The following PARP12 variants were observed in gnomAD, a reference collection of about 807,000 sequenced individuals.
The protein encoded by PARP12 is poly(ADP-ribose) polymerase family member 12.
PARP12 carries 59 observed loss-of-function variants against 72.4 expected under a neutral mutation model. The observed-to-expected ratio is 0.81, with a 90% CI of 0.66 to 1.01. The LOEUF (loss-of-function observed/expected upper bound fraction) is 1.01. PARP12 is among the 50% of genes least tolerant of loss of function. The probability of loss-of-function intolerance (pLI) is 0.00; values close to 1 mark genes in which losing one functional copy is unlikely to be tolerated. For synonymous variants in PARP12, 403 were observed against 371.4 expected, an observed-to-expected ratio of 1.09 and a Z score of -0.98; for missense variants, 851 against 914.0, an observed-to-expected ratio of 0.93 and a Z score of 0.89.
chr7:140,034,330 G>T lies in PARP12; in HGVS notation c.1326C>A (p.Ala442=). Residue 442 remains alanine, a splice_region_variant and synonymous_variant, in exon 8 of 12, where the codon GCC becomes GCA. Transcript: ENST00000263549. ...CATAGACCAGGTTTTTCTGAACGAA[G>T]GCTGAAAAAAAACATAACCAGTGAA... ...GKHNYELDFK[A]FVQKNLVYGT... is the part of the protein sequence containing the mutation. The T allele has an allele frequency of 6.2e-7, 1 of 1,608,080 alleles. No individual in the cohort carries two copies. Among genetic ancestry groups the T allele is most frequent in the Non-Finnish European group, 8.5e-7 (1 of 1,176,812 alleles).
rs749786679 is a variant in PARP12, at chr7:140,027,383, C to T, written c.1521G>A (p.Ser507=). The T allele has an allele frequency of 7.4e-6, 12 of 1,613,868 alleles. No homozygotes were observed. The highest frequency in any genetic ancestry group is 4.0e-5 in the African/African-American group (3 of 74,902). ...GFQKITLSSS[S]EEYQKVWNLF... ...GGTTCCAGACCTTCTGATACTCTTC[C>T]GAGGAAGAACTAAGGGTGATCTTCT... is the stretch of plus-strand genomic sequence containing the variant. The change falls in exon 10 of 12, where the codon TCG becomes TCA. Residue 507 remains serine (S), a synonymous_variant. Transcript: ENST00000263549.
At chr7:140,049,631 C>T (rs1049629916) in intron 4 of PARP12, among the ~76,000 whole-genome samples, 1 of 152,198 alleles carries the variant, frequency 6.6e-6, no homozygotes, top group Non-Finnish European at 1.5e-5. Context: ...TAGGGCCCTC[C>T]AGGCTGATGC....
intron 2 of PARP12, 117 bp downstream of exon 2, chr7:140,057,782 G>A (rs942797598): frequency 7.1e-7 from 1 of 1,410,926 alleles, no homozygotes; most frequent in African/African-American, 1.4e-5. Context: ...TTCTGCAGGT[G>A]GAAACCAGAC....
At chr7:140,029,344 G>T (rs990848448) in intron 8 of PARP12, among the ~76,000 whole-genome samples, 2 of 152,188 alleles carry the variant, frequency 1.3e-5, no homozygotes, top group Non-Finnish European at 2.9e-5. Flanking sequence ...AAGACATATG[G>T]ATCAAGGGTT....
At chr7:140,042,881 T>C (rs1255036964) in intron 5 of PARP12, among the ~76,000 whole-genome samples, 1 of 152,142 alleles carries the variant, frequency 6.6e-6, no homozygotes, top group Non-Finnish European at 1.5e-5. Flanking sequence ...CTGGAGAAAT[T>C]CACCTTCAAC....
intron 8 of PARP12, among the ~76,000 whole-genome samples, chr7:140,030,893 T>C (rs1585083515): frequency 1.3e-5 from 2 of 152,180 alleles, no homozygotes; most frequent in East Asian, 1.9e-4. Context: ...AGCCAAAAGA[T>C]TGGACACCCC....
At chr7:140,056,311 C>T (rs866499619) in intron 3 of PARP12, among the ~76,000 whole-genome samples, 4 of 152,370 alleles carry the variant, frequency 2.6e-5, no homozygotes, top group South Asian at 2.1e-4. Context: ...GTGGGCCAGG[C>T]ACTGTCTAGG....
At chr7:140,056,202 C>T (rs191860644) in intron 3 of PARP12, among the ~76,000 whole-genome samples, 1 of 152,342 alleles carries the variant, frequency 6.6e-6, no homozygotes, top group East Asian at 1.9e-4. Flanking sequence ...AAATAAAAAT[C>T]TCTGTTCAAA....
intron 1 of PARP12, among the ~76,000 whole-genome samples, chr7:140,062,185 C>T (rs1270974104): frequency 6.6e-6 from 1 of 152,086 alleles, no homozygotes; most frequent in Non-Finnish European, 1.5e-5. Context: ...CAAGGGGCGA[C>T]CCGCGGCGTC....
intron 3 of PARP12, among the ~76,000 whole-genome samples, chr7:140,055,769 A>G (rs968558040): frequency 4.6e-5 from 7 of 152,262 alleles, no homozygotes; most frequent in Admixed American, 2.6e-4. Context: ...TAGGATTCCT[A>G]CAACTGAAAG....
intron 10 of PARP12, among the ~76,000 whole-genome samples, chr7:140,026,858 C>A (rs1815758764): frequency 6.6e-6 from 1 of 152,232 alleles, no homozygotes; most frequent in Non-Finnish European, 1.5e-5. Context: ...TTCCTCCCCA[C>A]ATAGACAGGT....
intron 5 of PARP12, among the ~76,000 whole-genome samples, chr7:140,042,232 G>A (rs535200120): frequency 1.3e-5 from 2 of 152,310 alleles, no homozygotes; most frequent in Admixed American, 6.5e-5. Flanking sequence ...TGTATTAGGC[G>A]ATGACATTTT....
intron 4 of PARP12, among the ~76,000 whole-genome samples, chr7:140,048,702 T>C (rs1369103518): frequency 1.3e-5 from 2 of 152,240 alleles, no homozygotes; most frequent in Admixed American, 1.3e-4. Context: ...CAAAGACTTC[T>C]GTCATTTTGG....
rs569189300 is a variant in PARP12 at position 140,038,215 on chromosome 7, C to A, written c.1183-359G>T. ...ACTTCTGGAGTGCTGCTTGACTGGG[C>A]AGCCCAAGCCAGGCTGGTCTTACCC... On this transcript the variant is annotated intron_variant, in intron 6 of 11. Transcript: ENST00000263549. 5 of 985,456 alleles carry A rather than the reference C, an allele frequency of 5.1e-6. No individual in the cohort carries two copies. The South Asian group carries it at 2.3e-4, about 46-fold the overall frequency. 61.0% of individuals were successfully genotyped at this position (985,456 alleles called of 1,614,324 possible). A position where few individuals can be genotyped will look rare whatever the true frequency, so the allele number is the denominator to read the frequency against.
At chr7:140,036,515 C>T (rs1442235469) in intron 7 of PARP12, among the ~76,000 whole-genome samples, 2 of 152,130 alleles carry the variant, frequency 1.3e-5, no homozygotes, top group African/African-American at 2.4e-5. Flanking sequence ...TAGTGATCTA[C>T]CCTAAGCAAA....
intron 11 of PARP12, among the ~76,000 whole-genome samples, 179 bp downstream of exon 11, chr7:140,026,018 A>T (rs1385279004): frequency 6.6e-6 from 1 of 152,230 alleles, no homozygotes; most frequent in African/African-American, 2.4e-5. Context: ...CAAGCTCCTG[A>T]CCATGCCCAG....
chr7:140,046,142 A>G (rs1203992781), intron 5 of PARP12, among the ~76,000 whole-genome samples: 1 of 152,228 alleles, frequency 6.6e-6, no homozygotes, highest in African/African-American at 2.4e-5. Flanking sequence ...TTTTGCCTCA[A>G]AAAGAAAGAT....
At chr7:140,041,894 G>T (rs1816490151) in intron 5 of PARP12, 55 bp from the exon 6 acceptor site, 1 of 1,443,972 alleles carries the variant, frequency 6.9e-7, no homozygotes, top group Non-Finnish European at 9.6e-7. Flanking sequence ...GCAGACACAG[G>T]TCCCTCAGCT....
chr7:140,051,272 G>C (rs1816946682), intron 4 of PARP12, among the ~76,000 whole-genome samples: 1 of 152,152 alleles, frequency 6.6e-6, no homozygotes, highest in Admixed American at 6.5e-5. Flanking sequence ...TTTTGTAAAA[G>C]ACGATACCAG....
Sources: allele counts gnomAD v4.1 joint callset (sites outside exome capture counted in the v4.1 genomes callset), GRCh38; gene constraint gnomAD v4.1.1; transcripts MANE v1.5; gene names NCBI Gene and HGNC (gene_info 2026-07-23, HGNC 2026-07-21).